Variants in CTNNA2 observed in about 807,000 individuals in gnomAD.
CTNNA2 encodes the protein catenin alpha 2.
Under a neutral mutation model 101.0 loss-of-function variants are expected in CTNNA2, and 42 were observed. That is an observed-to-expected ratio of 0.42 (90% CI 0.32 to 0.54). CTNNA2 has a LOEUF of 0.54. Among genes scored for constraint, CTNNA2 ranks in the 20% least tolerant of loss-of-function variants. The probability of loss-of-function intolerance (pLI) is 0.14; values close to 1 mark genes in which losing one functional copy is unlikely to be tolerated. For missense variants in CTNNA2, 871 were observed against 1,223.1 expected (o/e 0.71, Z 4.29); for synonymous variants, 450 against 456.4 (o/e 0.99, Z 0.18).
At chr2:80,628,632 T>C (rs1671949748) in intron 18 of CTNNA2, among the ~76,000 whole-genome samples, 2 of 152,074 alleles carry the variant, frequency 1.3e-5, no homozygotes, top group African/African-American at 4.8e-5. Context: ...TCAATACTCA[T>C]ATTTAGTTGT....
chr2:79,636,390 G>A (rs573594931), intron 1 of CTNNA2, among the ~76,000 whole-genome samples: 1 of 151,574 alleles, frequency 6.6e-6, no homozygotes, highest in Non-Finnish European at 1.5e-5. Flanking sequence ...AGAGCAGACA[G>A]AGATGAGACA....
chr2:79,216,165 A>T (rs889428758), intron 2 of CTNNA2, among the ~76,000 whole-genome samples: 3 of 152,146 alleles, frequency 2.0e-5, no homozygotes, highest in Non-Finnish European at 4.4e-5. Context: ...ACGGCTGTCA[A>T]GTTTGTATTG....
intron 4 of CTNNA2, among the ~76,000 whole-genome samples, chr2:79,495,775 T>A (rs1037549048): frequency 3.9e-5 from 6 of 152,178 alleles, no homozygotes; most frequent in Admixed American, 1.3e-4. Context: ...AGTAATTTTT[T>A]AAAAAATGAA....
Position 79,193,063 on chromosome 2 carries a change from A to T in CTNNA2, c.-523-4896A>T, listed in dbSNP as rs988018474. ...CTATGTTACATGTATCCCTAGCAAC[A>T]TTTAGTACTGCTTTGTATAAGTTTA... On this transcript the variant is annotated intron_variant, in intron 1 of 21. Coordinates refer to the CTNNA2 transcript ENST00000466387. 4.6e-5 allele frequency among the ~76,000 whole-genome samples: 7 copies of T among 152,262 alleles called. 1 individual carries two copies. Among genetic ancestry groups the T allele is most frequent in the African/African-American group, 1.7e-4 (7 of 41,560 alleles).
At chr2:80,218,007 A>G (rs143029741) in intron 7 of CTNNA2, among the ~76,000 whole-genome samples, 7 of 152,360 alleles carry the variant, frequency 4.6e-5, no homozygotes, top group Non-Finnish European at 7.3e-5. Flanking sequence ...GCATTTGCCT[A>G]TTACCTAACT....
At chr2:80,080,783 C>A (rs1699083796) in intron 7 of CTNNA2, among the ~76,000 whole-genome samples, 1 of 152,014 alleles carries the variant, frequency 6.6e-6, no homozygotes, top group South Asian at 2.1e-4. Context: ...TAAATTTCAA[C>A]ACTGAAGACA....
chr2:79,253,858 T>C (rs1015313684), intron 2 of CTNNA2, among the ~76,000 whole-genome samples: 3 of 152,070 alleles, frequency 2.0e-5, no homozygotes, highest in African/African-American at 7.2e-5. Flanking sequence ...GCCAACAGAG[T>C]GTGTTAGCTG....
intron 7 of CTNNA2, among the ~76,000 whole-genome samples, chr2:80,171,356 C>G (rs1208432073): frequency 6.6e-6 from 1 of 152,168 alleles, no homozygotes; most frequent in Non-Finnish European, 1.5e-5. Flanking sequence ...TGCTAAGTCC[C>G]GCCAATCTCA....
chr2:79,905,095 C>G (rs1243628349), intron 6 of CTNNA2, among the ~76,000 whole-genome samples: 1 of 152,088 alleles, frequency 6.6e-6, no homozygotes, highest in Non-Finnish European at 1.5e-5. Context: ...ATTATTGTGG[C>G]TGTTATCTTT....
chr2:79,756,431 C>T (rs1672403572), intron 3 of CTNNA2, among the ~76,000 whole-genome samples: 1 of 152,040 alleles, frequency 6.6e-6, no homozygotes, highest in South Asian at 2.1e-4. Flanking sequence ...AGAAAACATA[C>T]ATTATCTGCT....
intron 9 of CTNNA2, among the ~76,000 whole-genome samples, chr2:80,496,124 C>T (rs938981950): frequency 1.4e-4 from 22 of 151,920 alleles, no homozygotes; most frequent in African/African-American, 3.9e-4. Flanking sequence ...CTATAGGTTT[C>T]GGAGAGAACA....
At chr2:79,954,120 G>A (rs2104505135) in intron 7 of CTNNA2, among the ~76,000 whole-genome samples, 1 of 152,222 alleles carries the variant, frequency 6.6e-6, no homozygotes. Flanking sequence ...ACAGGCAGCA[G>A]GAGAGAAGTG....
chr2:80,134,435 A>T (rs1441441935), intron 7 of CTNNA2, among the ~76,000 whole-genome samples: 1 of 152,126 alleles, frequency 6.6e-6, no homozygotes, highest in African/African-American at 2.4e-5. Flanking sequence ...TGGATATGCA[A>T]CCCGCTAATG....
chr2:79,976,257 C>A (rs1249410231), intron 7 of CTNNA2, among the ~76,000 whole-genome samples: 1 of 152,126 alleles, frequency 6.6e-6, no homozygotes, highest in Non-Finnish European at 1.5e-5. Flanking sequence ...TCTGGTATAA[C>A]AAGGATTTTT....
intron 1 of CTNNA2, among the ~76,000 whole-genome samples, chr2:79,539,349 G>T (rs771662565): frequency 6.6e-6 from 1 of 152,172 alleles, no homozygotes; most frequent in Non-Finnish European, 1.5e-5. Flanking sequence ...GAAAGGCCTC[G>T]AGAAGGCCAT....
chr2:80,269,697 C>T (rs571772959), intron 7 of CTNNA2, among the ~76,000 whole-genome samples: 2 of 152,214 alleles, frequency 1.3e-5, no homozygotes, highest in African/African-American at 2.4e-5. Context: ...AATCTGAATG[C>T]TATTAAGTGG....
intron 3 of CTNNA2, among the ~76,000 whole-genome samples, chr2:79,836,218 G>T (rs1007524170): frequency 3.9e-5 from 6 of 152,080 alleles, no homozygotes; most frequent in Admixed American, 1.3e-4. Context: ...TCCTTAAATT[G>T]ATTGCATTTT....
intron 7 of CTNNA2, among the ~76,000 whole-genome samples, chr2:80,357,426 G>A (rs1168004261): frequency 2.0e-5 from 3 of 151,916 alleles, no homozygotes; most frequent in Non-Finnish European, 4.4e-5. Flanking sequence ...CCCTCCTTTT[G>A]TGCATCTCCA....
chr2:80,382,132 C>T (rs1159060529), intron 7 of CTNNA2, among the ~76,000 whole-genome samples: 2 of 152,184 alleles, frequency 1.3e-5, no homozygotes, highest in African/African-American at 4.8e-5. Flanking sequence ...ACCAATTCCA[C>T]CTCTGCACCT....
Sources: allele counts gnomAD v4.1 joint callset (sites outside exome capture counted in the v4.1 genomes callset), GRCh38; gene constraint gnomAD v4.1.1; transcripts MANE v1.5; gene names NCBI Gene and HGNC (gene_info 2026-07-23, HGNC 2026-07-21).